NUP35: variants seen among roughly 807,000 people sequenced by gnomAD.
NUP35 encodes the protein nucleoporin NUP35.
NUP35 carries 25 observed loss-of-function variants against 41.5 expected under a neutral mutation model. The ratio of observed to expected loss-of-function variants is 0.60; its 90% CI spans 0.44 to 0.84. The LOEUF is 0.84. Ranked by LOEUF, NUP35 falls within the 40% of genes least tolerant of loss-of-function variation. The probability of loss-of-function intolerance (pLI) is 0.00; values close to 1 mark genes in which losing one functional copy is unlikely to be tolerated. For synonymous variants in NUP35, 149 were observed against 130.7 expected, an observed-to-expected ratio of 1.14 and a Z score of -0.96; for missense variants, 396 against 396.6, an observed-to-expected ratio of 1.00 and a Z score of 0.01.
At chr2:183,140,822 CAAAAAA>C (rs34256493) in intron 4 of NUP35, among the ~76,000 whole-genome samples, 23 of 89,540 alleles carry the variant, frequency 2.6e-4, no homozygotes, top group Admixed American at 9.6e-4. Flanking sequence ...AAACTCCATT[CAAAAAA>C]AAAAAAAAAA....
chr2:183,133,441 T>A, intron 3 of NUP35, 125 bp from the exon 4 acceptor site: 1 of 675,762 alleles, frequency 1.5e-6, no homozygotes, highest in Non-Finnish European at 2.5e-6. Context: ...CCTTTGTACT[T>A]TGAGCTAATT....
intron 5 of NUP35, among the ~76,000 whole-genome samples, chr2:183,154,987 A>G (rs766063830): frequency 3.3e-5 from 5 of 152,006 alleles, no homozygotes; most frequent in Non-Finnish European, 7.4e-5. Context: ...GAAGCCCCTG[A>G]TAAACGCGTC....
upstream of NUP35, among the ~76,000 whole-genome samples, chr2:183,121,524 T>C (rs924753451): frequency 4.3e-4 from 66 of 152,116 alleles, 1 homozygote; most frequent in Admixed American, 1.3e-4. Flanking sequence ...TGGAAAAAAG[T>C]TTTTAATTTA....
intron 3 of NUP35, chr2:183,131,053 C>G (rs1684681310): frequency 1.4e-5 from 7 of 509,234 alleles, no homozygotes; most frequent in Non-Finnish European, 2.5e-5. Flanking sequence ...ACAGTCATAA[C>G]TCTGCAGCCT....
chr2:183,147,144 C>A (rs1446450893), intron 4 of NUP35, among the ~76,000 whole-genome samples: 1 of 152,024 alleles, frequency 6.6e-6, no homozygotes, highest in Admixed American at 6.6e-5. Context: ...TTCTCCTATT[C>A]TGTAGGTTGT....
At chr2:183,135,298 C>T (rs1684837858) in intron 4 of NUP35, among the ~76,000 whole-genome samples, 1 of 152,132 alleles carries the variant, frequency 6.6e-6, no homozygotes, top group Non-Finnish European at 1.5e-5. Context: ...ACTCAAAAGT[C>T]TGTAAGTGAG....
chr2:183,153,643 C>T (rs1462607740), intron 5 of NUP35, among the ~76,000 whole-genome samples: 1 of 152,168 alleles, frequency 6.6e-6, no homozygotes, highest in Non-Finnish European at 1.5e-5. Context: ...TGGGCAGCTC[C>T]ACCCCTGTGG....
chr2:183,127,172 A>G (rs1684520511), intron 1 of NUP35, among the ~76,000 whole-genome samples: 1 of 152,230 alleles, frequency 6.6e-6, no homozygotes, highest in African/African-American at 2.4e-5. Context: ...CATAAGGGAA[A>G]TAATATCTAC....
intron 6 of NUP35, 82 bp downstream of exon 6, chr2:183,157,595 G>A: frequency 2.0e-6 from 2 of 990,582 alleles, no homozygotes; most frequent in South Asian, 1.5e-5. Flanking sequence ...TCTGAATTTT[G>A]TGGGTTTTTT....
At chr2:183,124,431 C>G (rs1700116952), upstream of NUP35, 1 of 1,614,140 alleles carries the variant, frequency 6.2e-7, no homozygotes. Context: ...TGGGAAGGTA[C>G]TGGTTTTAAG....
chr2:183,128,290 C>T lies in NUP35; in HGVS notation c.44C>T (p.Ser15Phe). ...AVEPQGPALG[S>F]EPMMLGSPTS... is the part of the protein sequence containing the mutation. ...ATTTATTTTTTGATTCATGTAGGAT[C>T]TGAACCAATGATGCTGGGTTCACCC... The change falls in exon 2 of 9, where the codon TCT (serine) becomes TTT (phenylalanine). Residue 15 changes from serine to phenylalanine, a missense_variant. Ser to Phe is a radical substitution (Grantham distance 155, BLOSUM62 -2). Transcript: ENST00000295119. 5 of 1,607,038 alleles carry T rather than the reference C, an allele frequency of 3.1e-6. No homozygotes were observed. Among genetic ancestry groups the T allele is most frequent in the Non-Finnish European group, 4.3e-6 (5 of 1,175,914 alleles).
intron 4 of NUP35, among the ~76,000 whole-genome samples, chr2:183,142,924 A>G (rs537295392): frequency 3.9e-5 from 6 of 151,914 alleles, no homozygotes; most frequent in African/African-American, 1.2e-4. Context: ...TGGGAGGCCG[A>G]GGTGGGTGGG....
At chr2:183,126,203 T>C (rs186376027) in intron 1 of NUP35, among the ~76,000 whole-genome samples, 1 of 152,254 alleles carries the variant, frequency 6.6e-6, no homozygotes, top group Non-Finnish European at 1.5e-5. Context: ...AGCTACTTAT[T>C]GTATTTTTGG....
In NUP35 at chr2:183,128,504, G is replaced by C. The variant is rs755847338; in HGVS notation, c.211+47G>C. On this transcript the variant is annotated intron_variant, in intron 2 of 8. Transcript: ENST00000295119. Reference sequence around the variant, plus strand: ...ATTTTATAGACATGCTAGATACAGGGATGTCCAATTTTTTGGCTTCCCTGA... The same window carrying C: ...ATTTTATAGACATGCTAGATACAGGCATGTCCAATTTTTTGGCTTCCCTGA... 2.0e-6 allele frequency: 3 copies of C among 1,464,258 alleles called. No individual in the cohort carries two copies. In the South Asian group the frequency reaches 4.3e-5, roughly 21 times the overall value. 90.7% of individuals were successfully genotyped at this position (1,464,258 alleles called of 1,614,324 possible). A position where few individuals can be genotyped will look rare whatever the true frequency, so the allele number is the denominator to read the frequency against.
upstream of NUP35, among the ~76,000 whole-genome samples, chr2:183,121,915 T>TTTATTGTTATTA (rs1700072935): frequency 6.9e-6 from 1 of 145,322 alleles, no homozygotes; most frequent in Non-Finnish European, 1.5e-5. Flanking sequence ...GGCCATTCTT[T>TTTATTGTTATTA]TTATTATTAT....
At position 183,144,748 on chromosome 2, in the gene NUP35, T is replaced by C. The variant is rs145882881; in HGVS notation, c.398-6760T>C. On this transcript the variant is annotated intron_variant, in intron 4 of 8. Coordinates refer to ENST00000295119, the MANE Select transcript of NUP35 (RefSeq NM_138285.5). ...GGCATGTGGGCATCAGAAGTCTGAT[T>C]GAAAGGAAGTAAAATTAGTGGAGCA... is the stretch of plus-strand genomic sequence containing the variant. Among the ~76,000 whole-genome samples the C allele has an allele frequency of 1.6e-3, 248 of 152,300 alleles. 3 individuals carry two copies. The highest frequency in any genetic ancestry group is 5.7e-3 in the African/African-American group (236 of 41,570).
At chr2:183,147,731 T>A (rs1314144721) in intron 4 of NUP35, among the ~76,000 whole-genome samples, 2 of 152,154 alleles carry the variant, frequency 1.3e-5, no homozygotes, top group East Asian at 3.8e-4. Context: ...TGTTGGTTAT[T>A]TGATAGGAAT....
chr2:183,135,516 A>G (rs1684846163), intron 4 of NUP35, among the ~76,000 whole-genome samples: 1 of 152,198 alleles, frequency 6.6e-6, no homozygotes, highest in South Asian at 2.1e-4. Context: ...GTGGAAGACA[A>G]TAAGGATGAG....
At chr2:183,154,638 C>T (rs1408527574) in intron 5 of NUP35, among the ~76,000 whole-genome samples, 1 of 152,212 alleles carries the variant, frequency 6.6e-6, no homozygotes, top group Non-Finnish European at 1.5e-5. Context: ...ATATCACTAT[C>T]AGCATTTTTG....
Sources: allele counts gnomAD v4.1 joint callset (sites outside exome capture counted in the v4.1 genomes callset), GRCh38; gene constraint gnomAD v4.1.1; transcripts MANE v1.5; gene names NCBI Gene and HGNC (gene_info 2026-07-23, HGNC 2026-07-21).